The following WDR87 variants were observed in gnomAD, a reference collection of about 807,000 sequenced individuals.
WDR87 encodes WD repeat domain 87.
WDR87 carries 56 observed loss-of-function variants against 83.3 expected under a neutral mutation model. The ratio of observed to expected loss-of-function variants is 0.67; its 90% CI spans 0.54 to 0.84. The LOEUF (loss-of-function observed/expected upper bound fraction) is 0.84. Among genes scored for constraint, WDR87 ranks in the 40% least tolerant of loss-of-function variants. WDR87 has a pLI of 0.00. For missense variants in WDR87, 2,939 were observed against 3,431.9 expected, an observed-to-expected ratio of 0.86 and a Z score of 3.59; for synonymous variants, 1,173 against 1,250.6, an observed-to-expected ratio of 0.94 and a Z score of 1.31.
chr19:37,889,608 G>A lies in WDR87; in HGVS notation c.4063C>T (p.Pro1355Ser), dbSNP rs59158299. The change falls in exon 6 of 6, where the codon CCA (proline) becomes TCA (serine). Residue 1355 changes from proline to serine, a missense_variant. Transcript: ENST00000447313. The part of the protein sequence containing the change: ...DWDVVPPEKK[P>S]IFIQEGAIRE... Reference sequence around the variant, plus strand: ...ATTGCTCCTTCCTGGATAAAAATTGGTTTCTTCTCTGGCGGGACTACATCC... The same window carrying A: ...ATTGCTCCTTCCTGGATAAAAATTGATTTCTTCTCTGGCGGGACTACATCC... 5,302 of 1,551,752 alleles carry A rather than the reference G, an allele frequency of 3.4e-3. 155 individuals carry two copies. The African/African-American group carries it at 0.062, about 18-fold the overall frequency.
chr19:37,886,421 C>A lies in WDR87; in HGVS notation c.7250G>T (p.Gly2417Val). Residue 2417 changes from glycine (G) to valine (V), a missense_variant, in exon 6 of 6, where the codon GGC becomes GTC. By Grantham distance (109) the Gly-to-Val change is moderately radical. Coordinates refer to ENST00000447313, the MANE Select transcript of WDR87 (RefSeq NM_001291088.2). The part of the protein sequence containing the change: ...SILRGVPHGK[G>V]RAIRLGVLKS... ...TAGAACTCCTAGTCTTATAGCCCTG[C>A]CTTTGCCATGAGGAACTCCTCTTAA... The A allele has an allele frequency of 6.5e-7, 1 of 1,535,582 alleles. No individual in the cohort carries two copies. The highest frequency in any genetic ancestry group is 8.8e-7 in the Non-Finnish European group (1 of 1,142,566).
chr19:37,885,207 G>T lies in WDR87; in HGVS notation c.8464C>A (p.Pro2822Thr), dbSNP rs1176521416. ...GCCTCTTCGTAGATGATCTCTTGGG[G>T]TTGAGGTTCCTCTCTCATTAGCAGC... is the stretch of plus-strand genomic sequence containing the variant. ...QELLMREEPQ[P>T]QEIIYEEALK... The change falls in exon 6 of 6, where the codon CCC becomes ACC. Residue 2822 changes from proline (P) to threonine (T), a missense_variant. Transcript: ENST00000447313. The T allele has an allele frequency of 6.7e-7, 1 of 1,486,386 alleles. No homozygotes were observed. Among genetic ancestry groups the T allele is most frequent in the Non-Finnish European group, 8.9e-7 (1 of 1,120,040 alleles). 92.1% of individuals were successfully genotyped at this position (1,486,386 alleles called of 1,614,324 possible).
chr19:37,889,318 T>C lies in WDR87; in HGVS notation c.4353A>G (p.Lys1451=), dbSNP rs775854313. 4 of 1,551,820 alleles carry C rather than the reference T, an allele frequency of 2.6e-6. No individual in the cohort carries two copies. The highest frequency in any genetic ancestry group is 1.7e-6 in the Non-Finnish European group (2 of 1,147,064). ...TCATTTCCCTCTTTATTTTTCCTAC[T>C]TTTCTTTCCTTCTGGACAGCTTTCC... ...QGRKAVQKER[K]VGKIKREMTK... Residue 1451 remains lysine (K), a synonymous_variant, in exon 6 of 6, where the codon AAA becomes AAG. Transcript: ENST00000447313.
rs750919294 is a variant in WDR87 at position 37,895,417 on chromosome 19, C to T, written c.286G>A (p.Glu96Lys). Residue 96 changes from glutamate (E) to lysine (K), a missense_variant, in exon 4 of 6, where the codon GAG becomes AAG. By Grantham distance (56) the Glu-to-Lys change is moderately conservative. Coordinates refer to ENST00000447313, the MANE Select transcript of WDR87 (RefSeq NM_001291088.2). ...WMKSKTEDMV[E>K]KRTFSMTERL... is the part of the protein sequence containing the mutation. ...TCAGTCATGGAGAATGTTCTTTTCT[C>T]AACCATGTCCTCAGTTTTGCTCTTC... The T allele has an allele frequency of 6.4e-6, 10 of 1,551,516 alleles. No homozygotes were observed. The highest frequency in any genetic ancestry group is 8.7e-6 in the Non-Finnish European group (10 of 1,146,994).
Position 37,889,046 on chromosome 19 carries a change from A to G in WDR87, c.4625T>C (p.Leu1542Pro). 1 of 1,551,998 alleles carries G rather than the reference A, an allele frequency of 6.4e-7. No individual in the cohort carries two copies. Among genetic ancestry groups the G allele is most frequent in the Admixed American group, 2.0e-5 (1 of 51,008 alleles). ...CTGAAGCATTTCCTCCTCCGGGGAT[A>G]GCTTCTCTCCAGCCTGATGTAGTTT... is the stretch of plus-strand genomic sequence containing the variant. Reference protein sequence around the residue: ...EEKLHQAGEKLSPEEEMLQED... With the variant: ...EEKLHQAGEKPSPEEEMLQED... Residue 1542 changes from leucine (L) to proline (P), a missense_variant, in exon 6 of 6, where the codon CTA becomes CCA. This residue lies in a region of WDR87 where 2,160 missense variants were observed against 2,533.1 expected (regional missense o/e 0.85). Coordinates refer to ENST00000447313, the MANE Select transcript of WDR87 (RefSeq NM_001291088.2).
Position 37,891,681 on chromosome 19 carries a change from A to G in WDR87, c.3265T>C (p.Ser1089Pro). The G allele has an allele frequency of 6.4e-7, 1 of 1,551,866 alleles. No homozygotes were observed. Among genetic ancestry groups the G allele is most frequent in the Non-Finnish European group, 8.7e-7 (1 of 1,147,040 alleles). ...LSHRDEKPAF[S>P]LDVSMPSELK... ...TCAGAAGGCATTGAGACATCTAAAGAAAAAGCCGGCTTTTCATCTCTATGT... is the reference window on the plus strand; with the variant it reads ...TCAGAAGGCATTGAGACATCTAAAGGAAAAGCCGGCTTTTCATCTCTATGT... Residue 1089 changes from serine (S) to proline (P), a missense_variant, in exon 5 of 6, where the codon TCT becomes CCT. Ser to Pro is a moderately conservative substitution (Grantham distance 74). Transcript: ENST00000447313.
chr19:37,886,390 G>A lies in WDR87; in HGVS notation c.7281C>T (p.Ser2427=). The A allele has an allele frequency of 6.5e-7, 1 of 1,545,700 alleles. No individual in the cohort carries two copies. Among genetic ancestry groups the A allele is most frequent in the Non-Finnish European group, 8.7e-7 (1 of 1,145,476 alleles). Residue 2427 remains serine (S), a synonymous_variant, in exon 6 of 6, where the codon AGC becomes AGT. Coordinates refer to ENST00000447313, the MANE Select transcript of WDR87 (RefSeq NM_001291088.2). ...CTGTTGACATCAGTTTCTTCAAAGG[G>A]CTTTTTAGAACTCCTAGTCTTATAG... ...GRAIRLGVLK[S]PLKKLMSTAL...
intron 1 of WDR87, among the ~76,000 whole-genome samples, chr19:37,901,287 C>T (rs565700078): frequency 3.2e-4 from 49 of 152,212 alleles, no homozygotes; most frequent in African/African-American, 1.1e-3. Flanking sequence ...AAAAATTAGC[C>T]AGGCATGGTG....
At chr19:37,897,022 A>G (rs2046261056) in intron 2 of WDR87, among the ~76,000 whole-genome samples, 2 of 152,132 alleles carry the variant, frequency 1.3e-5, no homozygotes, top group Admixed American at 6.6e-5. Context: ...CACACATGGA[A>G]TATAGCGGAA....
chr19:37,893,110 G>A lies in WDR87; in HGVS notation c.2593C>T (p.His865Tyr). ...TTACTTATAGCTCTTACCCTGCTGTGCCAGAAAAAGAATTCTTGAGACCTG... is the reference window on the plus strand; with the variant it reads ...TTACTTATAGCTCTTACCCTGCTGTACCAGAAAAAGAATTCTTGAGACCTG... ...WDRSQEFFFW[H>Y]SRVRAISNTE... The change falls in exon 4 of 6, where the codon CAC (histidine) becomes TAC (tyrosine). Residue 865 changes from histidine to tyrosine, a missense_variant. By Grantham distance (83) the His-to-Tyr change is moderately conservative. Coordinates refer to ENST00000447313, the MANE Select transcript of WDR87 (RefSeq NM_001291088.2). The A allele has an allele frequency of 6.4e-7, 1 of 1,551,778 alleles. No homozygotes were observed. The highest frequency in any genetic ancestry group is 1.2e-5 in the South Asian group (1 of 84,064).
chr19:37,887,931 C>T lies in WDR87; in HGVS notation c.5740G>A (p.Val1914Met). 5.2e-6 allele frequency: 8 copies of T among 1,551,778 alleles called. No homozygotes were observed. Among genetic ancestry groups the T allele is most frequent in the Non-Finnish European group, 7.0e-6 (8 of 1,147,020 alleles). The change falls in exon 6 of 6, where the codon GTG becomes ATG. Residue 1914 changes from valine to methionine, a missense_variant. Around this residue, in one of 3 missense-constraint regions of WDR87, gnomAD observed 2,160 missense variants for 2,533.1 expected, o/e 0.85. Transcript: ENST00000447313. ...ATTCCCAATTTGTTCTTTACTTGCA[C>T]TAATTGCTTTTTGCTGTGGGTGAGT... ...ERLTHSKKQL[V>M]QVKNKLGMFN...
chr19:37,893,820 C>T lies in WDR87; in HGVS notation c.1883G>A (p.Gly628Asp), dbSNP rs765946996. The T allele has an allele frequency of 7.5e-5, 116 of 1,551,576 alleles. No homozygotes were observed. The highest frequency in any genetic ancestry group is 9.9e-5 in the Non-Finnish European group (114 of 1,147,038). The change falls in exon 4 of 6, where the codon GGC becomes GAC. Residue 628 changes from glycine (G) to aspartate (D), a missense_variant. Around this residue, in one of 3 missense-constraint regions of WDR87, gnomAD observed 553 missense variants for 577.9 expected, o/e 0.96. Transcript: ENST00000447313. Reference protein sequence around the residue: ...LSLFVTGSADGSVRIWDFHGR... With the variant: ...LSLFVTGSADDSVRIWDFHGR... ...ATGGAAGTCCCAGATCCGAACAGAG[C>T]CATCGGCAGAACCTGTGACAAAAAG... is the stretch of plus-strand genomic sequence containing the variant.
chr19:37,898,248 G>C lies in WDR87; in HGVS notation c.-9C>G. The stretch of plus-strand genomic sequence containing the variant: ...AGCCTGGGGGAAGACATCACCGTCA[G>C]ACTCCCTTGGCCCTCCTGAGGACTG... On this transcript the variant is annotated 5_prime_UTR_variant, in exon 2 of 6. Transcript: ENST00000447313. The C allele has an allele frequency of 6.4e-7, 1 of 1,551,464 alleles. No homozygotes were observed. Among genetic ancestry groups the C allele is most frequent in the East Asian group, 2.4e-5 (1 of 40,918 alleles).
chr19:37,896,342 G>C, intron 2 of WDR87, 34 bp from the exon 3 acceptor site: 1 of 1,542,568 alleles, frequency 6.5e-7, no homozygotes, highest in Non-Finnish European at 8.8e-7. Context: ...TAAGAGGCCA[G>C]GGCACAGAGG....
At chr19:37,900,858 T>C (rs2046289234) in intron 1 of WDR87, among the ~76,000 whole-genome samples, 1 of 146,376 alleles carries the variant, frequency 6.8e-6, no homozygotes, top group Non-Finnish European at 1.5e-5. Flanking sequence ...TGCACAGCAG[T>C]GGAGGCCCCT....
At position 37,889,358 on chromosome 19, in the gene WDR87, G is replaced by A. The variant is rs939814791; in HGVS notation, c.4313C>T (p.Ser1438Leu). The change falls in exon 6 of 6, where the codon TCA becomes TTA. Residue 1438 changes from serine (S) to leucine (L), a missense_variant. This residue lies in a region of WDR87 where 2,160 missense variants were observed against 2,533.1 expected (regional missense o/e 0.85). Transcript: ENST00000447313. Reference sequence around the variant, plus strand: ...GACAGCTTTCCTCCCTTGCTTAGGTGACTTCTGAAAGGTTTTCTTCTCTTC... The same window carrying A: ...GACAGCTTTCCTCCCTTGCTTAGGTAACTTCTGAAAGGTTTTCTTCTCTTC... ...KKEEKKTFQK[S>L]PKQGRKAVQK... 1.3e-6 allele frequency: 2 copies of A among 1,551,736 alleles called. No homozygotes were observed. The highest frequency in any genetic ancestry group is 2.7e-5 in the African/African-American group (2 of 73,030).
Position 37,888,060 on chromosome 19 carries a change from T to A in WDR87, c.5611A>T (p.Ile1871Leu). Residue 1871 changes from isoleucine (I) to leucine (L), a missense_variant, in exon 6 of 6, where the codon ATA becomes TTA. Transcript: ENST00000447313. ...SMEELTKNKM[I>L]LYQKKNLAQE... Reference sequence around the variant, plus strand: ...GCCAGATTCTTCTTCTGGTACAGTATCATCTTGTTCTTTGTGAGTTCTTCC... The same window carrying A: ...GCCAGATTCTTCTTCTGGTACAGTAACATCTTGTTCTTTGTGAGTTCTTCC... 6.4e-7 allele frequency: 1 copy of A among 1,551,766 alleles called. No homozygotes were observed. Among genetic ancestry groups the A allele is most frequent in the Non-Finnish European group, 8.7e-7 (1 of 1,147,012 alleles).
intron 1 of WDR87, among the ~76,000 whole-genome samples, chr19:37,901,730 T>C (rs2046294890): frequency 6.6e-6 from 1 of 152,072 alleles, no homozygotes; most frequent in South Asian, 2.1e-4. Flanking sequence ...GTTTTTTTTT[T>C]TGAGACAGGG....
In WDR87 at chr19:37,885,308, G is replaced by T. The variant is rs1274116885; in HGVS notation, c.8363C>A (p.Ala2788Asp). ...GAGCTGGTAGAACTGTTCCATCCAA[G>T]CAGTGCTGTCTTTTGGATATCGCTG... Reference protein sequence around the residue: ...LQQRYPKDSTAWMEQFYQLMD... With the variant: ...LQQRYPKDSTDWMEQFYQLMD... Residue 2788 changes from alanine (A) to aspartate (D), a missense_variant, in exon 6 of 6, where the codon GCT becomes GAT. Physicochemically the swap from Ala to Asp is moderately radical, Grantham distance 126. Around this residue, in one of 3 missense-constraint regions of WDR87, gnomAD observed 2,160 missense variants for 2,533.1 expected, o/e 0.85. Transcript: ENST00000447313. 3 of 1,550,856 alleles carry T rather than the reference G, an allele frequency of 1.9e-6. No individual in the cohort carries two copies. The highest frequency in any genetic ancestry group is 2.6e-6 in the Non-Finnish European group (3 of 1,146,572).
Sources: gnomAD v4.1 joint callset for allele counts (sites outside exome capture counted in the v4.1 genomes callset) on GRCh38, gnomAD v4.1.1 for gene constraint, gnomAD v4.1.1 regional missense constraint, MANE v1.5 for transcripts, NCBI Gene and HGNC (gene_info 2026-07-23, HGNC 2026-07-21) for gene names.